The following DTL variants were observed in gnomAD, a reference collection of about 807,000 sequenced individuals.
The protein encoded by DTL is denticleless E3 ubiquitin protein ligase adapter.
DTL carries 46 observed loss-of-function variants against 87.0 expected under a neutral mutation model. The observed-to-expected ratio is 0.53, with a 90% confidence interval of 0.42 to 0.68. The LOEUF is 0.68. Ranked by LOEUF, DTL falls within the 30% of genes least tolerant of loss-of-function variation. DTL has a pLI of 0.00. For missense variants in DTL, 737 were observed against 869.4 expected (o/e 0.85, Z 1.91); for synonymous variants, 308 against 311.2 (o/e 0.99, Z 0.11).
Position 212,087,115 on chromosome 1 carries a change from G to A in DTL, c.1261+6365G>A, listed in dbSNP as rs563708169. On this transcript the variant is annotated intron_variant, in intron 13 of 14. Coordinates refer to ENST00000366991, the MANE Select transcript of DTL (RefSeq NM_016448.4). ...ATCTCATTTAATTATGAAAACAACT[G>A]AAACTGAAGGTCAAGGAAGTTAGAC... Among the ~76,000 whole-genome samples, 10 of 152,328 alleles carry A rather than the reference G, an allele frequency of 6.6e-5. No homozygotes were observed. In the South Asian group the frequency reaches 2.1e-3, roughly 32 times the overall value.
chr1:212,045,790 A>T (rs1174842419), intron 3 of DTL, among the ~76,000 whole-genome samples: 1 of 152,234 alleles, frequency 6.6e-6, no homozygotes, highest in Non-Finnish European at 1.5e-5. Flanking sequence ...TTTGTTTGGA[A>T]TAAGGTATCG....
At chr1:212,043,357 C>T (rs1298855783) in intron 2 of DTL, among the ~76,000 whole-genome samples, 1 of 152,100 alleles carries the variant, frequency 6.6e-6, no homozygotes, top group Non-Finnish European at 1.5e-5. Context: ...TTTAAAAAAT[C>T]AATATAAGGA....
intron 11 of DTL, among the ~76,000 whole-genome samples, chr1:212,073,530 G>A (rs1654738623): frequency 6.6e-6 from 1 of 152,138 alleles, no homozygotes; most frequent in South Asian, 2.1e-4. Flanking sequence ...AACCTGTTTA[G>A]TATGAAGCAT....
intron 13 of DTL, among the ~76,000 whole-genome samples, chr1:212,081,537 G>A (rs1430848853): frequency 6.6e-6 from 1 of 152,338 alleles, no homozygotes; most frequent in East Asian, 1.9e-4. Flanking sequence ...CTCCTGTGTT[G>A]AGGATAAATT....
intron 13 of DTL, among the ~76,000 whole-genome samples, chr1:212,082,431 A>G (rs145673680): frequency 2.6e-5 from 4 of 152,304 alleles, no homozygotes; most frequent in Middle Eastern, 3.4e-3. Flanking sequence ...TTAAATAGGA[A>G]TATAACATTT....
At chr1:212,060,192 CA>C (rs1558077350) in intron 5 of DTL, among the ~76,000 whole-genome samples, 1 of 151,864 alleles carries the variant, frequency 6.6e-6, no homozygotes, top group Admixed American at 6.6e-5. Flanking sequence ...TATGTGGAGC[CA>C]AAAAGAACCC....
chr1:212,077,846 G>A (rs1452574662), intron 11 of DTL, among the ~76,000 whole-genome samples: 1 of 152,122 alleles, frequency 6.6e-6, no homozygotes, highest in African/African-American at 2.4e-5. Context: ...TACCACCTAA[G>A]GAATAAGGGA....
chr1:212,100,786 G>T lies in DTL; in HGVS notation c.1796G>T (p.Ser599Ile), dbSNP rs747443614. ...CCLAGNQEDL[S>I]KDSLGPTKSS... ...CTTGCTGGTAACCAGGAAGACCTTA[G>T]TAAGGACTCTCTAGGTCCTACCAAA... is the stretch of plus-strand genomic sequence containing the variant. Residue 599 changes from serine to isoleucine, a missense_variant, in exon 14 of 15, where the codon AGT (serine) becomes ATT (isoleucine). Coordinates refer to ENST00000366991, the MANE Select transcript of DTL (RefSeq NM_016448.4). 1 of 1,614,134 alleles carries T rather than the reference G, an allele frequency of 6.2e-7. No individual in the cohort carries two copies. The highest frequency in any genetic ancestry group is 2.2e-5 in the East Asian group (1 of 44,882).
intron 6 of DTL, 138 bp downstream of exon 6, chr1:212,063,087 A>G: frequency 3.0e-6 from 2 of 661,664 alleles, no homozygotes; most frequent in Non-Finnish European, 5.4e-6. Flanking sequence ...ACTGTTCCAG[A>G]TCTCAGGATC....
At chr1:212,092,677 T>C (rs1655321029) in intron 13 of DTL, among the ~76,000 whole-genome samples, 1 of 152,242 alleles carries the variant, frequency 6.6e-6, no homozygotes, top group Admixed American at 6.5e-5. Flanking sequence ...TTGAAGGGCA[T>C]TTGGGCTGGT....
chr1:212,102,884 T>G lies in DTL; in HGVS notation c.2137T>G (p.Phe713Val), dbSNP rs1451770826. The G allele has an allele frequency of 6.2e-7, 1 of 1,612,910 alleles. No individual in the cohort carries two copies. Among genetic ancestry groups the G allele is most frequent in the Non-Finnish European group, 8.5e-7 (1 of 1,179,202 alleles). Residue 713 changes from phenylalanine to valine, a missense_variant, in exon 15 of 15, where the codon TTC (phenylalanine) becomes GTC (valine). Phe to Val is a conservative substitution (Grantham distance 50). Transcript: ENST00000366991. ...PSSMRKICTY[F>V]HRKSQEDFCG... is the part of the protein sequence containing the mutation. ...CTCCATGAGGAAAATCTGCACATAC[T>G]TCCATAGAAAGTCCCAGGAGGACTT...
chr1:212,078,644 C>T lies in DTL; in HGVS notation c.1125+382C>T, dbSNP rs1370215875. ...TAGTATATTAAAGGTAACATCTTGACAGCCCAATTTGGGTTTTCACATATG... is the reference window on the plus strand; with the variant it reads ...TAGTATATTAAAGGTAACATCTTGATAGCCCAATTTGGGTTTTCACATATG... On this transcript the variant is annotated intron_variant, in intron 12 of 14. Transcript: ENST00000366991. 3.9e-5 allele frequency among the ~76,000 whole-genome samples: 6 copies of T among 152,228 alleles called. No individual in the cohort carries two copies. In the South Asian group the frequency reaches 1.2e-3, roughly 32 times the overall value.
intron 11 of DTL, among the ~76,000 whole-genome samples, chr1:212,072,605 A>G (rs1475395354): frequency 6.6e-6 from 1 of 152,080 alleles, no homozygotes; most frequent in Non-Finnish European, 1.5e-5. Flanking sequence ...TGCTTGAATC[A>G]CCCATGGAGC....
At position 212,061,937 on chromosome 1, in the gene DTL, C is replaced by T. The variant is rs192842904; in HGVS notation, c.461-947C>T. ...GATAGAAGGTGTAAGTTCCATTGTT[C>T]GATACCTGACTATTGTCACCTTACA... On this transcript the variant is annotated intron_variant, in intron 5 of 14. Coordinates refer to ENST00000366991, the MANE Select transcript of DTL (RefSeq NM_016448.4). 7.8e-4 allele frequency among the ~76,000 whole-genome samples: 118 copies of T among 152,192 alleles called. 3 individuals are homozygous for T. The highest frequency in any genetic ancestry group is 7.5e-3 in the Admixed American group (114 of 15,286).
chr1:212,058,711 G>T (rs1388124369), intron 5 of DTL, among the ~76,000 whole-genome samples: 1 of 151,354 alleles, frequency 6.6e-6, no homozygotes, highest in Admixed American at 6.6e-5. Context: ...ACTAAATAGA[G>T]ACTTAAAAAA....
chr1:212,084,206 CTT>C (rs112388208), intron 13 of DTL, among the ~76,000 whole-genome samples: 1 of 48,638 alleles, frequency 2.1e-5, no homozygotes, highest in African/African-American at 8.6e-5. Context: ...TTTTTCTTTT[CTT>C]TTTTTTTTTT....
intron 1 of DTL, among the ~76,000 whole-genome samples, chr1:212,037,392 T>G (rs1320077210): frequency 6.6e-6 from 1 of 152,228 alleles, no homozygotes; most frequent in East Asian, 1.9e-4. Context: ...TTCTTCTACC[T>G]ACTCCTTTGG....
intron 1 of DTL, among the ~76,000 whole-genome samples, chr1:212,037,504 A>G (rs1667519672): frequency 6.6e-6 from 1 of 152,180 alleles, no homozygotes; most frequent in Non-Finnish European, 1.5e-5. Context: ...AGGCTCTTGG[A>G]AACTGTGACT....
intron 5 of DTL, among the ~76,000 whole-genome samples, chr1:212,062,170 A>C (rs1654346381): frequency 6.6e-6 from 1 of 152,338 alleles, no homozygotes; most frequent in Non-Finnish European, 1.5e-5. Flanking sequence ...TTCAGTTTCC[A>C]CAGAGCCCTC....
Sources: gnomAD v4.1 joint callset for allele counts (sites outside exome capture counted in the v4.1 genomes callset) on GRCh38, gnomAD v4.1.1 for gene constraint, MANE v1.5 for transcripts, NCBI Gene and HGNC (gene_info 2026-07-23, HGNC 2026-07-21) for gene names.